The following SLC25A21 variants were observed in gnomAD, a reference collection of about 807,000 sequenced individuals.
SLC25A21 encodes solute carrier family 25 member 21.
A neutral mutation model predicts 43.8 loss-of-function variants in SLC25A21; 47 were observed. That is an observed-to-expected ratio of 1.07 (90% CI 0.85 to 1.37). The LOEUF (loss-of-function observed/expected upper bound fraction) is 1.37. Ranked by LOEUF, SLC25A21 falls within the 40% of genes most tolerant of loss-of-function variation. The probability of loss-of-function intolerance (pLI) is 0.00; values close to 1 mark genes in which losing one functional copy is unlikely to be tolerated. For missense variants in SLC25A21, 352 were observed against 350.2 expected (o/e 1.00, Z -0.04); for synonymous variants, 131 against 121.3 (o/e 1.08, Z -0.52).
At chr14:37,162,720 G>T (rs1963966404) in intron 1 of SLC25A21, among the ~76,000 whole-genome samples, 1 of 152,188 alleles carries the variant, frequency 6.6e-6, no homozygotes, top group African/African-American at 2.4e-5. Flanking sequence ...AACCACTGTG[G>T]AAGTCAGTGT....
At chr14:36,706,670 C>T (rs1479118375) in intron 7 of SLC25A21, among the ~76,000 whole-genome samples, 4 of 152,164 alleles carry the variant, frequency 2.6e-5, no homozygotes, top group Admixed American at 1.3e-4. Context: ...AAGCCAAAAA[C>T]CTAGGCATCC....
intron 1 of SLC25A21, among the ~76,000 whole-genome samples, chr14:36,951,067 C>T (rs931461420): frequency 3.3e-5 from 5 of 152,066 alleles, no homozygotes; most frequent in Admixed American, 6.6e-5. Context: ...AACAAAGCAA[C>T]CTGAAGTCAA....
At chr14:36,984,053 G>A (rs1324927317) in intron 1 of SLC25A21, among the ~76,000 whole-genome samples, 3 of 152,112 alleles carry the variant, frequency 2.0e-5, no homozygotes, top group Non-Finnish European at 4.4e-5. Flanking sequence ...TTGGATAATA[G>A]GTTCACTAAA....
At chr14:36,992,569 C>A (rs1960287752) in intron 1 of SLC25A21, among the ~76,000 whole-genome samples, 1 of 152,138 alleles carries the variant, frequency 6.6e-6, no homozygotes. Context: ...ATTAACCATG[C>A]AAACTAGCCC....
rs116165338 is a variant in SLC25A21 at position 37,025,484 on chromosome 14, G to C, written c.70+146797C>G. 4.0e-3 allele frequency among the ~76,000 whole-genome samples: 606 copies of C among 152,224 alleles called. 5 individuals are homozygous for C. Among genetic ancestry groups the C allele is most frequent in the African/African-American group, 0.014 (578 of 41,548 alleles). On this transcript the variant is annotated intron_variant, in intron 1 of 9. Coordinates refer to ENST00000331299, the MANE Select transcript of SLC25A21 (RefSeq NM_030631.4). Reference sequence around the variant, plus strand: ...CGCTAATGCTCCGCAGTTAATAAACGTGATTATCATAATTGCAAATTAATT... The same window carrying C: ...CGCTAATGCTCCGCAGTTAATAAACCTGATTATCATAATTGCAAATTAATT...
intron 1 of SLC25A21, among the ~76,000 whole-genome samples, chr14:36,978,482 T>G (rs1228892772): frequency 1.3e-5 from 2 of 152,220 alleles, no homozygotes; most frequent in African/African-American, 4.8e-5. Context: ...ATAGACATGC[T>G]GGACACAGGG....
intron 6 of SLC25A21, among the ~76,000 whole-genome samples, chr14:36,721,681 T>C (rs952374299): frequency 6.6e-6 from 1 of 152,206 alleles, no homozygotes; most frequent in Non-Finnish European, 1.5e-5. Context: ...GTTCTGCTCC[T>C]ATAAATGAAA....
chr14:36,756,388 G>A (rs1885929963), intron 3 of SLC25A21, among the ~76,000 whole-genome samples: 1 of 152,220 alleles, frequency 6.6e-6, no homozygotes, highest in Admixed American at 6.5e-5. Context: ...CATAATTGAA[G>A]ATGCAAAGCG....
Position 37,137,153 on chromosome 14 carries a change from T to A in SLC25A21, c.70+35128A>T, listed in dbSNP as rs374529739. On this transcript the variant is annotated intron_variant, in intron 1 of 9. Coordinates refer to ENST00000331299, the MANE Select transcript of SLC25A21 (RefSeq NM_030631.4). ...GCTGGGACTACAGGCGCCCGCCACC[T>A]CGCCCAGCTAATTTTTTGTATTTTT... is the stretch of plus-strand genomic sequence containing the variant. Among the ~76,000 whole-genome samples, 63 of 152,100 alleles carry A rather than the reference T, an allele frequency of 4.1e-4. No individual in the cohort carries two copies. The South Asian group carries it at 5.6e-3, about 14-fold the overall frequency.
intron 1 of SLC25A21, among the ~76,000 whole-genome samples, chr14:37,111,295 C>T (rs2138877790): frequency 6.6e-6 from 1 of 152,246 alleles, no homozygotes; most frequent in African/African-American, 2.4e-5. Context: ...TCCCCTCGCC[C>T]CCATGCAGAC....
At chr14:36,854,379 G>C (rs1159427018) in intron 2 of SLC25A21, among the ~76,000 whole-genome samples, 1 of 152,198 alleles carries the variant, frequency 6.6e-6, no homozygotes, top group Non-Finnish European at 1.5e-5. Context: ...TCCCCAGATG[G>C]AGCTAGGTGA....
At chr14:36,853,901 TC>T (rs1831926141) in intron 2 of SLC25A21, among the ~76,000 whole-genome samples, 1 of 152,184 alleles carries the variant, frequency 6.6e-6, no homozygotes, top group Non-Finnish European at 1.5e-5. Flanking sequence ...CTCTTATTTT[TC>T]CCCCTTCTAT....
intron 1 of SLC25A21, among the ~76,000 whole-genome samples, chr14:37,029,316 C>G (rs1325658806): frequency 6.6e-6 from 1 of 152,150 alleles, no homozygotes; most frequent in Non-Finnish European, 1.5e-5. Flanking sequence ...TCTTAGCAGT[C>G]TGCAATCCAA....
At chr14:36,996,574 G>T (rs1014608175) in intron 1 of SLC25A21, among the ~76,000 whole-genome samples, 2 of 152,112 alleles carry the variant, frequency 1.3e-5, no homozygotes, top group African/African-American at 2.4e-5. Flanking sequence ...CATTCTGTTT[G>T]TTCTTGATAC....
rs1275089064 is a variant in SLC25A21, at chr14:36,678,567, T to C, written c.*2091A>G. On this transcript the variant is annotated 3_prime_UTR_variant, in exon 10 of 10. Transcript: ENST00000331299. Reference sequence around the variant, plus strand: ...TGGAGACTTCTTTAAAACCATACCATACAGGGACTCTCCTGTCATCTGAAA... The same window carrying C: ...TGGAGACTTCTTTAAAACCATACCACACAGGGACTCTCCTGTCATCTGAAA... The C allele has an allele frequency of 1.3e-6, 2 of 1,532,862 alleles. No individual in the cohort carries two copies. The highest frequency in any genetic ancestry group is 1.2e-5 in the South Asian group (1 of 83,424). The allele number at this position is 1,532,862 out of a possible 1,614,324, so 95.0% of individuals were successfully genotyped here.
intron 2 of SLC25A21, among the ~76,000 whole-genome samples, chr14:36,855,601 A>G (rs1180970249): frequency 6.6e-6 from 1 of 152,148 alleles, no homozygotes; most frequent in Non-Finnish European, 1.5e-5. Context: ...GTTGGTCTCC[A>G]CCCTGAACTA....
At chr14:36,956,684 A>G (rs1266739170) in intron 1 of SLC25A21, among the ~76,000 whole-genome samples, 1 of 152,204 alleles carries the variant, frequency 6.6e-6, no homozygotes, top group African/African-American at 2.4e-5. Flanking sequence ...ATCAATATTT[A>G]TCAGTTCCTC....
chr14:37,170,323 C>A (rs1964101817), intron 1 of SLC25A21, among the ~76,000 whole-genome samples: 1 of 152,140 alleles, frequency 6.6e-6, no homozygotes, highest in South Asian at 2.1e-4. Flanking sequence ...CGTAAGACAC[C>A]GTGCCTGGCC....
At chr14:36,895,775 T>C (rs970078959) in intron 1 of SLC25A21, among the ~76,000 whole-genome samples, 1 of 152,212 alleles carries the variant, frequency 6.6e-6, no homozygotes, top group Admixed American at 6.5e-5. Flanking sequence ...ACATCTTTAT[T>C]TCTGCCTTCA....
Sources: allele counts gnomAD v4.1 joint callset (sites outside exome capture counted in the v4.1 genomes callset), GRCh38; gene constraint gnomAD v4.1.1; transcripts MANE v1.5; gene names NCBI Gene and HGNC (gene_info 2026-07-23, HGNC 2026-07-21).